The following TCF4 variants were observed in gnomAD, a reference collection of about 807,000 sequenced individuals.
The protein encoded by TCF4 is SL3-3 enhancer factor 2.
Under a neutral mutation model 82.1 loss-of-function variants are expected in TCF4, and 3 were observed. That is an observed-to-expected ratio of 0.04 (90% CI 0.02 to 0.09). TCF4 has a LOEUF of 0.09. TCF4 is among the 10% of genes least tolerant of loss of function. The pLI, the probability that TCF4 is intolerant of heterozygous loss-of-function variation, is 1.00. For synonymous variants in TCF4, 276 were observed against 309.6 expected, an observed-to-expected ratio of 0.89 and a Z score of 1.14; for missense variants, 518 against 852.7, an observed-to-expected ratio of 0.61 and a Z score of 4.89.
intron 6 of TCF4, chr18:55,351,291 G>A: frequency 2.7e-6 from 1 of 369,508 alleles, no homozygotes; most frequent in Non-Finnish European, 5.1e-6. Context: ...AAAACAAATG[G>A]CATTTATATA....
intron 3 of TCF4, among the ~76,000 whole-genome samples, chr18:55,506,745 A>C (rs1282081808): frequency 1.3e-5 from 2 of 152,240 alleles, no homozygotes; most frequent in Non-Finnish European, 2.9e-5. Flanking sequence ...CTATGCATAT[A>C]TACCTATGAT....
intron 6 of TCF4, among the ~76,000 whole-genome samples, chr18:55,403,154 T>G (rs2093919495): frequency 6.6e-6 from 1 of 152,170 alleles, no homozygotes. Context: ...AAATAAACTC[T>G]TTTAATAGAA....
At chr18:55,621,503 TTATATATATATTATATAATATTATATAA>T (rs1275644293) in intron 2 of TCF4, among the ~76,000 whole-genome samples, 1 of 376 alleles carries the variant, frequency 2.7e-3, no homozygotes, top group East Asian at 0.031. Context: ...ATAATGTACA[TTATATATATATTATATAATATTATATAA>T]TATATATATT....
chr18:55,599,495 C>A (rs1024442459), intron 2 of TCF4, among the ~76,000 whole-genome samples: 12 of 152,148 alleles, frequency 7.9e-5, no homozygotes, highest in Non-Finnish European at 1.8e-4. Context: ...CCGAGGCGGG[C>A]AGATCACTTG....
At chr18:55,619,378 G>A (rs2097715451) in intron 2 of TCF4, among the ~76,000 whole-genome samples, 1 of 152,044 alleles carries the variant, frequency 6.6e-6, no homozygotes, top group Non-Finnish European at 1.5e-5. Flanking sequence ...GGAATACGTA[G>A]TGCTGTCATT....
At chr18:55,385,284 G>T (rs960184381) in intron 6 of TCF4, among the ~76,000 whole-genome samples, 15 of 152,126 alleles carry the variant, frequency 9.9e-5, no homozygotes, top group African/African-American at 3.4e-4. Flanking sequence ...GATTTAGTTG[G>T]GAACTTGCAT....
chr18:55,601,903 C>A (rs2147947087), intron 2 of TCF4, among the ~76,000 whole-genome samples: 1 of 152,330 alleles, frequency 6.6e-6, no homozygotes, highest in South Asian at 2.1e-4. Context: ...CCTCACTGTG[C>A]AACTTATAAG....
chr18:55,437,539 T>C (rs1203609064), intron 5 of TCF4, among the ~76,000 whole-genome samples: 1 of 152,228 alleles, frequency 6.6e-6, no homozygotes, highest in African/African-American at 2.4e-5. Context: ...GATGATTCAC[T>C]TTTCCTGAGT....
At chr18:55,441,410 TTTTC>T (rs2095436481) in intron 5 of TCF4, among the ~76,000 whole-genome samples, 1 of 152,236 alleles carries the variant, frequency 6.6e-6, no homozygotes, top group Non-Finnish European at 1.5e-5. Flanking sequence ...CGATCACTAT[TTTTC>T]TTTCTTTAAC....
chr18:55,394,411 A>G (rs1357863530), intron 6 of TCF4, among the ~76,000 whole-genome samples: 1 of 152,158 alleles, frequency 6.6e-6, no homozygotes, highest in Non-Finnish European at 1.5e-5. Context: ...AAAATAACAT[A>G]TATCTGGTAT....
chr18:55,244,035 A>T (rs993885845), intron 15 of TCF4, among the ~76,000 whole-genome samples: 1 of 151,900 alleles, frequency 6.6e-6, no homozygotes. Flanking sequence ...TCCCAAACAA[A>T]TTTTCTTCTA....
intron 3 of TCF4, among the ~76,000 whole-genome samples, chr18:55,550,005 T>C (rs746830182): frequency 6.6e-6 from 1 of 152,222 alleles, no homozygotes; most frequent in Non-Finnish European, 1.5e-5. Context: ...ATATATCTCC[T>C]GGATTCCAGA....
chr18:55,241,297 A>G (rs2051138950), intron 15 of TCF4, among the ~76,000 whole-genome samples: 1 of 152,162 alleles, frequency 6.6e-6, no homozygotes, highest in Non-Finnish European at 1.5e-5. Flanking sequence ...TCATTTTCCT[A>G]TACAGTGGAA....
At chr18:55,399,544 G>A (rs919952982) in intron 6 of TCF4, among the ~76,000 whole-genome samples, 1 of 152,148 alleles carries the variant, frequency 6.6e-6, no homozygotes, top group African/African-American at 2.4e-5. Flanking sequence ...TCTATATAAA[G>A]ATTTGAAGAT....
Position 55,559,474 on chromosome 18 carries a change from T to TA in TCF4, c.145+25805dup, listed in dbSNP as rs545310383. 5.0e-4 allele frequency among the ~76,000 whole-genome samples: 76 copies of TA among 152,206 alleles called. 1 individual carries two copies. The highest frequency in any genetic ancestry group is 4.6e-3 in the East Asian group (24 of 5,178). On this transcript the variant is annotated intron_variant, in intron 3 of 19. Transcript: ENST00000354452. ...GTTGTGTGTACATGAATATATTCTT[T>TA]AAAAAAGGTTTATTAACCAAACAGT...
intron 6 of TCF4, among the ~76,000 whole-genome samples, chr18:55,396,310 G>A (rs1244207724): frequency 6.6e-6 from 1 of 152,010 alleles, no homozygotes; most frequent in African/African-American, 2.4e-5. Flanking sequence ...AATTATTAAG[G>A]GACAATAATA....
At chr18:55,625,144 C>T (rs1205539826) in intron 2 of TCF4, among the ~76,000 whole-genome samples, 4 of 151,734 alleles carry the variant, frequency 2.6e-5, no homozygotes, top group Non-Finnish European at 5.9e-5. Context: ...TTTGGAGTAT[C>T]AATTATTAAA....
intron 5 of TCF4, among the ~76,000 whole-genome samples, chr18:55,420,669 T>A (rs1259880391): frequency 6.6e-6 from 1 of 152,158 alleles, no homozygotes; most frequent in African/African-American, 2.4e-5. Context: ...TCAAAGCCAG[T>A]GGAACGTTCA....
intron 8 of TCF4, among the ~76,000 whole-genome samples, chr18:55,330,643 G>A (rs1260200750): frequency 1.3e-5 from 2 of 152,016 alleles, no homozygotes; most frequent in Non-Finnish European, 2.9e-5. Flanking sequence ...TTGGCTCACT[G>A]CCACCTCTGC....
Sources: gnomAD v4.1 joint callset for allele counts (sites outside exome capture counted in the v4.1 genomes callset) on GRCh38, gnomAD v4.1.1 for gene constraint, MANE v1.5 for transcripts, NCBI Gene and HGNC (gene_info 2026-07-23, HGNC 2026-07-21) for gene names.